SCNN1G: variants seen among roughly 807,000 people sequenced by gnomAD.
The protein encoded by SCNN1G is sodium channel epithelial 1 subunit gamma.
In SCNN1G, 27 loss-of-function variants were observed where a neutral mutation model predicts 64.6. That is an observed-to-expected ratio of 0.42 (90% CI 0.31 to 0.58). The LOEUF (loss-of-function observed/expected upper bound fraction) is 0.58. Among genes scored for constraint, SCNN1G ranks in the 20% least tolerant of loss-of-function variants. The pLI, the probability that SCNN1G is intolerant of heterozygous loss-of-function variation, is 0.18. For synonymous variants in SCNN1G, 330 were observed against 314.2 expected, an observed-to-expected ratio of 1.05 and a Z score of -0.53; for missense variants, 743 against 823.4, an observed-to-expected ratio of 0.90 and a Z score of 1.19.
chr16:23,214,818 T>C, intron 12 of SCNN1G, 31 bp downstream of exon 12: 1 of 1,551,924 alleles, frequency 6.4e-7, no homozygotes, highest in South Asian at 1.1e-5. Flanking sequence ...CCAGGACCTG[T>C]CCTGGGCCTA....
At chr16:23,209,961 G>A (rs760851346) in intron 7 of SCNN1G, 113 bp downstream of exon 7, 8 of 772,084 alleles carry the variant, frequency 1.0e-5, no homozygotes, top group Non-Finnish European at 1.8e-5. Flanking sequence ...AGGATCCCTG[G>A]GGTTCATCCA....
Position 23,194,224 on chromosome 16 carries a change from A to G in SCNN1G, c.863A>G (p.Asn288Ser). 1 of 1,613,998 alleles carries G rather than the reference A, an allele frequency of 6.2e-7. No homozygotes were observed. Among genetic ancestry groups the G allele is most frequent in the South Asian group, 1.1e-5 (1 of 91,080 alleles). Residue 288 changes from asparagine to serine, a missense_variant, in exon 5 of 13, where the codon AAC becomes AGC. By Grantham distance (46) the Asn-to-Ser change is conservative (BLOSUM62 1). Coordinates refer to ENST00000300061, the MANE Select transcript of SCNN1G (RefSeq NM_001039.4). ...CATGGGAATTGCTATACTTTCAACA[A>G]CAGAGAAAATGAGACCATTCTCAGC... ...PMHGNCYTFNNRENETILSTS... is the reference protein window; with the variant it reads ...PMHGNCYTFNSRENETILSTS...
At chr16:23,209,891 G>T in intron 7 of SCNN1G, 43 bp downstream of exon 7, 2 of 1,381,282 alleles carry the variant, frequency 1.4e-6, no homozygotes, top group Non-Finnish European at 2.1e-6. Context: ...TTTATGGCCC[G>T]GACCCAGGAG....
chr16:23,185,986 G>A (rs1037200076), intron 1 of SCNN1G, among the ~76,000 whole-genome samples: 1 of 148,914 alleles, frequency 6.7e-6, no homozygotes, highest in East Asian at 2.0e-4. Context: ...GCCCCCGCAC[G>A]GCTAGGCCTG....
intron 4 of SCNN1G, 42 bp from the exon 5 acceptor site, chr16:23,194,129 C>A: frequency 2.2e-6 from 3 of 1,352,618 alleles, no homozygotes; most frequent in Non-Finnish European, 3.2e-6. Context: ...AGCTAAGATG[C>A]ATGGGGGAGA....
intron 6 of SCNN1G, among the ~76,000 whole-genome samples, chr16:23,199,663 CTTTTTTTTTT>C (rs67132706): frequency 3.4e-5 from 2 of 59,642 alleles, no homozygotes; most frequent in South Asian, 7.6e-4. Context: ...CTTTTCTTTT[CTTTTTTTTTT>C]TTTTTTTTTT....
intron 6 of SCNN1G, among the ~76,000 whole-genome samples, chr16:23,199,588 G>A (rs190501612): frequency 3.0e-4 from 44 of 149,138 alleles, no homozygotes; most frequent in African/African-American, 1.0e-3. Flanking sequence ...TTGCTAATCT[G>A]TCAAGAGAAA....
At chr16:23,188,184 G>C (rs1381713364) in intron 2 of SCNN1G, among the ~76,000 whole-genome samples, 1 of 152,146 alleles carries the variant, frequency 6.6e-6, no homozygotes, top group Non-Finnish European at 1.5e-5. Flanking sequence ...TGTAGTGGAG[G>C]AATAAAGTCT....
At chr16:23,190,135 G>A (rs1353490836) in intron 3 of SCNN1G, among the ~76,000 whole-genome samples, 2 of 151,982 alleles carry the variant, frequency 1.3e-5, no homozygotes, top group Admixed American at 6.6e-5. Context: ...TAATGCATGC[G>A]GGGCTTAAAA....
At chr16:23,184,816 C>A (rs1176033759) in intron 1 of SCNN1G, among the ~76,000 whole-genome samples, 1 of 152,196 alleles carries the variant, frequency 6.6e-6, no homozygotes, top group African/African-American at 2.4e-5. Flanking sequence ...ATCGAAGTCA[C>A]AGACATGGGT....
chr16:23,210,309 T>C (rs1236771960), intron 7 of SCNN1G, among the ~76,000 whole-genome samples: 3 of 152,146 alleles, frequency 2.0e-5, no homozygotes, highest in African/African-American at 7.2e-5. Context: ...GTGGCATACC[T>C]GGTTTTTCAA....
chr16:23,192,338 CCT>C lies in SCNN1G; in HGVS notation c.619-11_619-10del. On this transcript the variant is annotated splice_polypyrimidine_tract_variant and intron_variant, in intron 3 of 12. Coordinates refer to ENST00000300061, the MANE Select transcript of SCNN1G (RefSeq NM_001039.4). ...GACCGATGGCTTCAGCCTCGCATCT[CCT>C]CTTATTCACAGTGCTCAAATGACAC... 6.2e-7 allele frequency: 1 copy of C among 1,611,278 alleles called. No individual in the cohort carries two copies. The highest frequency in any genetic ancestry group is 8.5e-7 in the Non-Finnish European group (1 of 1,177,478).
intron 1 of SCNN1G, among the ~76,000 whole-genome samples, chr16:23,185,463 C>T (rs1247896197): frequency 6.6e-6 from 1 of 152,142 alleles, no homozygotes; most frequent in African/African-American, 2.4e-5. Flanking sequence ...GGTACTCTCC[C>T]CCAAAGCTGT....
rs1960141787 is a variant in SCNN1G at position 23,215,262 on chromosome 16, T to C, written c.1743T>C (p.Cys581=). ...EWWAWKQAPP[C]PEAPRSPQGQ... Reference sequence around the variant, plus strand: ...GGGCCTGGAAACAGGCTCCCCCATGTCCAGAAGCTCCCCGTAGCCCACAGG... The same window carrying C: ...GGGCCTGGAAACAGGCTCCCCCATGCCCAGAAGCTCCCCGTAGCCCACAGG... The change falls in exon 13 of 13, where the codon TGT becomes TGC. Residue 581 remains cysteine, a synonymous_variant. Transcript: ENST00000300061. 1 of 1,614,110 alleles carries C rather than the reference T, an allele frequency of 6.2e-7. No individual in the cohort carries two copies. The highest frequency in any genetic ancestry group is 2.2e-5 in the East Asian group (1 of 44,878).
intron 11 of SCNN1G, 62 bp downstream of exon 11, chr16:23,213,225 G>T: frequency 4.5e-6 from 5 of 1,118,242 alleles, no homozygotes; most frequent in Non-Finnish European, 6.8e-6. Context: ...CTTCTCACTT[G>T]CTTCTGTATG....
chr16:23,196,757 T>C (rs1015228301), intron 5 of SCNN1G, among the ~76,000 whole-genome samples: 4 of 152,170 alleles, frequency 2.6e-5, no homozygotes, highest in Middle Eastern at 3.2e-3. Flanking sequence ...CCATGTGCAC[T>C]GATACTGTGT....
At chr16:23,212,380 T>A (rs1029983808) in intron 8 of SCNN1G, among the ~76,000 whole-genome samples, 3 of 152,190 alleles carry the variant, frequency 2.0e-5, no homozygotes, top group Non-Finnish European at 4.4e-5. Context: ...TATTACCTTT[T>A]CACAGAATAG....
intron 6 of SCNN1G, among the ~76,000 whole-genome samples, chr16:23,208,789 T>C (rs1960034024): frequency 6.6e-6 from 1 of 151,338 alleles, no homozygotes; most frequent in African/African-American, 2.4e-5. Flanking sequence ...CAACGCTGGA[T>C]TGCAGTGGCA....
Position 23,186,455 on chromosome 16 carries a change from A to C in SCNN1G, c.184A>C (p.Thr62Pro). ...CCTCCTCTGGATCGGGTTCACACTG[A>C]CTGCCGTGGCCCTCATCCTCTGGCA... ...RRLLWIGFTL[T>P]AVALILWQCA... Residue 62 changes from threonine to proline, a missense_variant, in exon 2 of 13, where the codon ACT (threonine) becomes CCT (proline). Transcript: ENST00000300061. 2 of 1,614,180 alleles carry C rather than the reference A, an allele frequency of 1.2e-6. No individual in the cohort carries two copies. The highest frequency in any genetic ancestry group is 2.2e-5 in the South Asian group (2 of 91,082).
Sources: allele counts gnomAD v4.1 joint callset (sites outside exome capture counted in the v4.1 genomes callset), GRCh38; gene constraint gnomAD v4.1.1; transcripts MANE v1.5; gene names NCBI Gene and HGNC (gene_info 2026-07-23, HGNC 2026-07-21).